Variants in MAST4 observed in about 807,000 individuals in gnomAD.
MAST4 encodes the protein microtubule associated serine/threonine kinase family member 4, also known as microtubule-associated serine/threonine-protein kinase 4.
Under a neutral mutation model 162.7 loss-of-function variants are expected in MAST4, and 89 were observed. That is an observed-to-expected ratio of 0.55 (90% CI 0.46 to 0.65). The LOEUF (loss-of-function observed/expected upper bound fraction) is 0.65. MAST4 is among the 30% of genes least tolerant of loss of function. MAST4 has a pLI of 0.00. For missense variants in MAST4, 3,153 were observed against 3,374.0 expected (o/e 0.93, Z 1.62); for synonymous variants, 1,479 against 1,361.1 (o/e 1.09, Z -1.91).
At chr5:66,871,109 T>G (rs993499552) in intron 3 of MAST4, among the ~76,000 whole-genome samples, 1 of 148,786 alleles carries the variant, frequency 6.7e-6, no homozygotes, top group Non-Finnish European at 1.5e-5. Flanking sequence ...GTGTAGATAC[T>G]CCCACCCTGG....
intron 1 of MAST4, among the ~76,000 whole-genome samples, chr5:66,735,051 G>A (rs1277792754): frequency 2.6e-5 from 4 of 152,180 alleles, no homozygotes; most frequent in Non-Finnish European, 5.9e-5. Context: ...AATCCTTGGT[G>A]CCTAAATAAC....
At position 66,951,634 on chromosome 5, in the gene MAST4, G is replaced by GTGTGTGTATGTA. The variant is rs1554072462; in HGVS notation, c.674+51659_674+51660insATGTATGTGTGT. Among the ~76,000 whole-genome samples, 49 of 148,726 alleles carry GTGTGTGTATGTA rather than the reference G, an allele frequency of 3.3e-4. 1 individual carries two copies. The highest frequency in any genetic ancestry group is 1.2e-3 in the African/African-American group (47 of 39,206). Reference sequence around the variant, plus strand: ...TGTGTGTGTGTGTGTGTGTGTGTGTGTGTGTGTGTGTGTGTGTGTATTTTT... The same window carrying GTGTGTGTATGTA: ...TGTGTGTGTGTGTGTGTGTGTGTGTGTGTGTGTATGTATGTGTGTGTGTGTGTGTGTATTTTT... On this transcript the variant is annotated intron_variant, in intron 4 of 28. Coordinates refer to ENST00000403625, the MANE Select transcript of MAST4 (RefSeq NM_001164664.2).
intron 4 of MAST4, among the ~76,000 whole-genome samples, chr5:66,964,645 C>CA (rs1434335546): frequency 3.9e-5 from 6 of 152,084 alleles, no homozygotes; most frequent in Non-Finnish European, 7.4e-5. Flanking sequence ...ATTAAACATA[C>CA]AAAAAATTAG....
At chr5:66,755,078 G>C (rs1753446897) in intron 1 of MAST4, among the ~76,000 whole-genome samples, 1 of 152,172 alleles carries the variant, frequency 6.6e-6, no homozygotes, top group Non-Finnish European at 1.5e-5. Context: ...AAGGGTCACT[G>C]CTGTGGTTCT....
At chr5:66,996,109 C>A (rs1053363177) in intron 4 of MAST4, among the ~76,000 whole-genome samples, 12 of 152,120 alleles carry the variant, frequency 7.9e-5, no homozygotes, top group Admixed American at 6.5e-4. Flanking sequence ...GAAATCCTGT[C>A]TCTACTAAAA....
chr5:67,140,636 G>A (rs1416740598), intron 19 of MAST4, among the ~76,000 whole-genome samples: 2 of 152,212 alleles, frequency 1.3e-5, no homozygotes, highest in African/African-American at 2.4e-5. Flanking sequence ...ACCCTCTGGG[G>A]GATCGTGGTC....
intron 2 of MAST4, among the ~76,000 whole-genome samples, chr5:66,763,526 T>G (rs370665752): frequency 6.6e-6 from 1 of 152,264 alleles, no homozygotes; most frequent in East Asian, 1.9e-4. Flanking sequence ...TCTAAATAGC[T>G]GGCAAATGAA....
chr5:66,649,419 T>C (rs1273785957), intron 1 of MAST4, among the ~76,000 whole-genome samples: 1 of 152,146 alleles, frequency 6.6e-6, no homozygotes, highest in East Asian at 1.9e-4. Flanking sequence ...CCACTTGATG[T>C]AGAGGAGCAG....
intron 3 of MAST4, among the ~76,000 whole-genome samples, chr5:66,826,467 T>C (rs1757261946): frequency 6.6e-6 from 1 of 152,144 alleles, no homozygotes; most frequent in Non-Finnish European, 1.5e-5. Context: ...GTCCTCGAAA[T>C]GTCTTCTGAT....
At chr5:66,936,696 A>T (rs1742786813) in intron 4 of MAST4, among the ~76,000 whole-genome samples, 1 of 152,238 alleles carries the variant, frequency 6.6e-6, no homozygotes, top group African/African-American at 2.4e-5. Flanking sequence ...ATGATGGCTT[A>T]GCTTAGGCTC....
intron 4 of MAST4, among the ~76,000 whole-genome samples, chr5:67,009,336 T>G (rs1434392528): frequency 2.0e-5 from 3 of 152,188 alleles, no homozygotes; most frequent in Non-Finnish European, 4.4e-5. Flanking sequence ...ATAAATGGTG[T>G]GTACAAAGGC....
intron 14 of MAST4, among the ~76,000 whole-genome samples, chr5:67,124,784 A>G (rs1768013300): frequency 6.6e-6 from 1 of 152,230 alleles, no homozygotes; most frequent in South Asian, 2.1e-4. Flanking sequence ...CAGAAAGTCA[A>G]ACAAAGTTTT....
intron 5 of MAST4, among the ~76,000 whole-genome samples, chr5:67,075,110 T>C (rs565862915): frequency 1.3e-5 from 2 of 152,040 alleles, no homozygotes; most frequent in South Asian, 4.2e-4. Flanking sequence ...CACCTAGAAA[T>C]GTATATGTCT....
Position 66,610,491 on chromosome 5 carries a change from C to CACTGTTTT in MAST4, c.363+13473_363+13474insACTGTTTT, listed in dbSNP as rs1579982297. Among the ~76,000 whole-genome samples the CACTGTTTT allele has an allele frequency of 3.4e-5, 4 of 116,552 alleles. No individual in the cohort carries two copies. The East Asian group carries it at 1.1e-3, about 33-fold the overall frequency. The allele number at this position is 116,552 out of a possible 152,430, so 76.5% of individuals were successfully genotyped here. A position where few individuals can be genotyped will look rare whatever the true frequency, so the allele number is the denominator to read the frequency against. Reference sequence around the variant, plus strand: ...CTGAAAAGCCAAAGGCTGTTTTACACCCGAGAGGTTGAGTGATACCTGGCC... The same window carrying CACTGTTTT: ...CTGAAAAGCCAAAGGCTGTTTTACACACTGTTTTCCGAGAGGTTGAGTGATACCTGGCC... On this transcript the variant is annotated intron_variant, in intron 1 of 28. Coordinates refer to ENST00000403625, the MANE Select transcript of MAST4 (RefSeq NM_001164664.2).
intron 3 of MAST4, among the ~76,000 whole-genome samples, chr5:66,814,048 G>C (rs903605929): frequency 6.6e-6 from 1 of 152,154 alleles, no homozygotes; most frequent in African/African-American, 2.4e-5. Context: ...CTGATCCGGG[G>C]GACCTGTGTG....
At chr5:66,978,822 T>G (rs570606169) in intron 4 of MAST4, among the ~76,000 whole-genome samples, 42 of 152,368 alleles carry the variant, frequency 2.8e-4, no homozygotes, top group African/African-American at 9.6e-4. Context: ...CTTGCTAGTC[T>G]TGAGCTTTCT....
At chr5:66,804,941 C>T (rs1392999642) in intron 3 of MAST4, among the ~76,000 whole-genome samples, 13 of 152,172 alleles carry the variant, frequency 8.5e-5, no homozygotes, top group East Asian at 5.8e-4. Context: ...AGTCTTTCTT[C>T]GTTCTTAATA....
Position 66,753,600 on chromosome 5 carries a change from G to A in MAST4, c.364-6109G>A, listed in dbSNP as rs1753330168. 1.3e-5 allele frequency among the ~76,000 whole-genome samples: 2 copies of A among 151,668 alleles called. 1 individual carries two copies. Among genetic ancestry groups the A allele is most frequent in the South Asian group, 4.3e-4 (2 of 4,696 alleles). The stretch of plus-strand genomic sequence containing the variant: ...CATACACCCTCCTAAGACTAAACCA[G>A]GAAGAAGTTGAATCTCTGAATAGAC... On this transcript the variant is annotated intron_variant, in intron 1 of 28. Transcript: ENST00000403625.
intron 4 of MAST4, among the ~76,000 whole-genome samples, chr5:66,942,033 T>G (rs1743426991): frequency 6.6e-6 from 1 of 152,136 alleles, no homozygotes; most frequent in African/African-American, 2.4e-5. Flanking sequence ...GATCATAGAT[T>G]ATCATAAAAG....
Sources: gnomAD v4.1 joint callset for allele counts (sites outside exome capture counted in the v4.1 genomes callset) on GRCh38, gnomAD v4.1.1 for gene constraint, MANE v1.5 for transcripts, NCBI Gene and HGNC (gene_info 2026-07-23, HGNC 2026-07-21) for gene names.